SAMD5: variants seen among roughly 807,000 people sequenced by gnomAD.
SAMD5 encodes sterile alpha motif domain-containing protein 5.
Under a neutral mutation model 11.3 loss-of-function variants are expected in SAMD5, and 13 were observed. The observed-to-expected ratio is 1.15, with a 90% CI of 0.75 to 1.83. The LOEUF (loss-of-function observed/expected upper bound fraction) is 1.83, where lower values mean the gene tolerates loss of function less well. Ranked by LOEUF, SAMD5 falls within the 40% of genes most tolerant of loss-of-function variation. The pLI, the probability that SAMD5 is intolerant of heterozygous loss-of-function variation, is 0.00. For synonymous variants in SAMD5, 129 were observed against 111.3 expected, an observed-to-expected ratio of 1.16 and a Z score of -1.00; for missense variants, 255 against 239.1, an observed-to-expected ratio of 1.07 and a Z score of -0.44.
At chr6:147,788,252 A>G in the SAMD5 span, among the ~76,000 whole-genome samples, 1 of 152,226 alleles carries the variant, frequency 6.6e-6, no homozygotes, top group Non-Finnish European at 1.5e-5. Context: ...TATTGCACGT[A>G]TAATTAAGGC....
chr6:147,668,933 T>C (rs1790758586), intron 1 of SAMD5, among the ~76,000 whole-genome samples: 1 of 152,212 alleles, frequency 6.6e-6, no homozygotes. Flanking sequence ...TAATTAAAAA[T>C]ACTTTTTGTC....
chr6:147,691,554 G>A (rs926598577), intron 1 of SAMD5, among the ~76,000 whole-genome samples: 16 of 151,956 alleles, frequency 1.1e-4, no homozygotes, highest in African/African-American at 3.9e-4. Context: ...ACAAACTCTG[G>A]TTTAATGTAG....
the SAMD5 span, among the ~76,000 whole-genome samples, chr6:147,794,331 A>G: frequency 6.6e-6 from 1 of 152,156 alleles, no homozygotes; most frequent in African/African-American, 2.4e-5. Context: ...CTTTTCTTAC[A>G]GTTAACCCAT....
At chr6:147,612,120 T>C (rs1033007580) in intron 1 of SAMD5, among the ~76,000 whole-genome samples, 3 of 152,210 alleles carry the variant, frequency 2.0e-5, no homozygotes, top group African/African-American at 7.2e-5. Context: ...GCCTAGTTGC[T>C]GTCCAGTGAA....
chr6:147,677,461 A>G (rs906298700), intron 1 of SAMD5, among the ~76,000 whole-genome samples: 2 of 152,188 alleles, frequency 1.3e-5, no homozygotes, highest in Non-Finnish European at 2.9e-5. Flanking sequence ...TTTAGAGGGT[A>G]AACTTTGAGC....
the SAMD5 span, among the ~76,000 whole-genome samples, chr6:147,936,127 G>T: frequency 6.6e-6 from 1 of 152,118 alleles, no homozygotes; most frequent in South Asian, 2.1e-4. Context: ...ATGGGGAAGA[G>T]AAAACTTTCC....
intron 1 of SAMD5, among the ~76,000 whole-genome samples, chr6:147,628,724 C>T (rs1406603175): frequency 1.3e-5 from 2 of 152,108 alleles, no homozygotes; most frequent in Non-Finnish European, 2.9e-5. Flanking sequence ...AGAAAAAGAT[C>T]TGGCCATGGG....
At chr6:147,853,897 A>G in the SAMD5 span, among the ~76,000 whole-genome samples, 10,276 of 152,252 alleles carry the variant, frequency 0.067, 1,149 homozygotes, top group African/African-American at 0.23. Flanking sequence ...AAACAATTCT[A>G]AATGTTTTTA....
At chr6:147,730,705 A>G (rs933158592) in intron 1 of SAMD5, among the ~76,000 whole-genome samples, 3 of 152,198 alleles carry the variant, frequency 2.0e-5, no homozygotes, top group Non-Finnish European at 4.4e-5. Context: ...ACTGAGCCCT[A>G]AGACATTCCA....
the SAMD5 span, among the ~76,000 whole-genome samples, chr6:147,766,105 AAAAAAAAAAACAC>A: frequency 2.1e-5 from 3 of 139,748 alleles, no homozygotes; most frequent in African/African-American, 8.0e-5. Flanking sequence ...GCAATGGAAG[AAAAAAAAAAACAC>A]AAAAAAAGAA....
the SAMD5 span, among the ~76,000 whole-genome samples, chr6:147,787,501 G>C: frequency 6.6e-6 from 1 of 152,110 alleles, no homozygotes; most frequent in South Asian, 2.1e-4. Context: ...TCCACAAATA[G>C]AGCCCTAAAA....
intron 1 of SAMD5, among the ~76,000 whole-genome samples, chr6:147,587,739 T>C (rs1233738838): frequency 6.6e-6 from 1 of 152,166 alleles, no homozygotes; most frequent in African/African-American, 2.4e-5. Flanking sequence ...TTTCAAGACT[T>C]GGTAGGACTT....
At chr6:147,799,357 G>A in the SAMD5 span, among the ~76,000 whole-genome samples, 20,839 of 151,720 alleles carry the variant, frequency 0.14, 1,571 homozygotes, top group Middle Eastern at 0.17. Context: ...TGAAATTCTG[G>A]GTTGAAAATT....
chr6:147,599,664 A>G (rs1009403204), intron 1 of SAMD5, among the ~76,000 whole-genome samples: 3 of 152,150 alleles, frequency 2.0e-5, no homozygotes, highest in Admixed American at 6.5e-5. Context: ...AGAAGTGAAG[A>G]GAACCAGAAC....
intron 1 of SAMD5, among the ~76,000 whole-genome samples, chr6:147,627,696 C>T (rs188399699): frequency 6.6e-6 from 1 of 152,104 alleles, no homozygotes; most frequent in Admixed American, 6.6e-5. Context: ...TTTATGATGC[C>T]CAGTCTAGAT....
chr6:147,895,623 T>C, the SAMD5 span, among the ~76,000 whole-genome samples: 4 of 152,204 alleles, frequency 2.6e-5, no homozygotes, highest in African/African-American at 9.7e-5. Flanking sequence ...ATGAGAGTAA[T>C]GAAAGGCTTG....
chr6:147,566,767 A>C lies in SAMD5; in HGVS notation c.*2311A>C. 1 of 984,928 alleles carries C rather than the reference A, an allele frequency of 1.0e-6. No individual in the cohort carries two copies. Among genetic ancestry groups the C allele is most frequent in the Non-Finnish European group, 1.2e-6 (1 of 829,440 alleles). The allele number at this position is 984,928 out of a possible 1,614,324, so 61.0% of individuals were successfully genotyped here. A position where few individuals can be genotyped will look rare whatever the true frequency, so the allele number is the denominator to read the frequency against. ...TTAAAGCTAGAGGAAGAAAACTTCAAATAAGCAAAGAAGTATTGAAGGATG... is the reference window on the plus strand; with the variant it reads ...TTAAAGCTAGAGGAAGAAAACTTCACATAAGCAAAGAAGTATTGAAGGATG... On this transcript the variant is annotated 3_prime_UTR_variant, in exon 2 of 2. Transcript: ENST00000367474.
chr6:147,524,699 G>C (rs951752874), intron 1 of SAMD5, among the ~76,000 whole-genome samples: 2 of 151,938 alleles, frequency 1.3e-5, no homozygotes, highest in Non-Finnish European at 2.9e-5. Context: ...ACCTAGATTC[G>C]CTTTTTAAAA....
chr6:147,531,566 A>G (rs142092272), intron 1 of SAMD5, among the ~76,000 whole-genome samples: 420 of 152,266 alleles, frequency 2.8e-3, no homozygotes, highest in Non-Finnish European at 4.7e-3. Context: ...TCACTGGGAC[A>G]CATTCCTCCA....
Sources: gnomAD v4.1 joint callset for allele counts (sites outside exome capture counted in the v4.1 genomes callset) on GRCh38, gnomAD v4.1.1 for gene constraint, MANE v1.5 for transcripts, NCBI Gene and HGNC (gene_info 2026-07-23, HGNC 2026-07-21) for gene names.